The following URI1 variants were observed in gnomAD, a reference collection of about 807,000 sequenced individuals.
URI1 encodes the protein URI1 prefoldin like chaperone.
URI1 carries 39 observed loss-of-function variants against 60.2 expected under a neutral mutation model. The ratio of observed to expected loss-of-function variants is 0.65; its 90% confidence interval spans 0.50 to 0.85. The LOEUF (loss-of-function observed/expected upper bound fraction) is 0.85. URI1 is among the 40% of genes least tolerant of loss of function. The pLI, the probability that URI1 is intolerant of heterozygous loss-of-function variation, is 0.00. For missense variants in URI1, 691 were observed against 665.9 expected (o/e 1.04, Z -0.42); for synonymous variants, 251 against 236.8 (o/e 1.06, Z -0.55).
chr19:29,988,793 A>G (rs1311920117), intron 4 of URI1, among the ~76,000 whole-genome samples: 1 of 152,186 alleles, frequency 6.6e-6, no homozygotes, highest in Non-Finnish European at 1.5e-5. Context: ...TGCTGTTGGT[A>G]AATACCTACA....
intron 1 of URI1, chr19:29,956,489 T>A: frequency 6.3e-7 from 1 of 1,590,316 alleles, no homozygotes; most frequent in Non-Finnish European, 8.5e-7. Context: ...TCCTTGTTTT[T>A]AACTGTTGTG....
rs997752857 is a variant in URI1, at chr19:29,942,431, C to T, written c.-117C>T. On this transcript the variant is annotated 5_prime_UTR_variant, in exon 1 of 11. Transcript: ENST00000392271. ...GCGGCGGCGGGCGCGGCCTCCTGGG[C>T]GCGGGGCGCGCGGTGCCTGAGGGCG... 20 of 984,718 alleles carry T rather than the reference C, an allele frequency of 2.0e-5. No homozygotes were observed. The highest frequency in any genetic ancestry group is 1.1e-4 in the African/African-American group (6 of 56,810). The allele number at this position is 984,718 out of a possible 1,614,324, so 61.0% of individuals were successfully genotyped here.
intron 4 of URI1, among the ~76,000 whole-genome samples, chr19:29,993,166 G>GGAGC (rs1020246091): frequency 2.6e-4 from 39 of 152,268 alleles, no homozygotes; most frequent in Admixed American, 7.2e-4. Context: ...GACATGAAGG[G>GGAGC]ATAAGAGCAT....
intron 7 of URI1, 62 bp downstream of exon 7, chr19:30,007,700 C>CTTTTTCT: frequency 2.1e-5 from 30 of 1,399,972 alleles, no homozygotes; most frequent in Non-Finnish European, 2.8e-5. Context: ...CCTCATTAAT[C>CTTTTTCT]TTTTTCTTCA....
At chr19:30,010,122 C>T (rs2055999018) in intron 8 of URI1, among the ~76,000 whole-genome samples, 1 of 152,102 alleles carries the variant, frequency 6.6e-6, no homozygotes, top group African/African-American at 2.4e-5. Context: ...AAATTTAAGG[C>T]CTAGAAGACA....
intron 1 of URI1, among the ~76,000 whole-genome samples, chr19:29,966,137 G>GATTT (rs989712287): frequency 1.8e-4 from 27 of 152,148 alleles, no homozygotes; most frequent in Non-Finnish European, 2.8e-4. Flanking sequence ...TATGGTGGTT[G>GATTT]ATTTATTTAT....
rs192645807 is a variant in URI1, at chr19:29,974,764, G to A, written c.152+3537G>A. On this transcript the variant is annotated intron_variant, in intron 2 of 10. Coordinates refer to ENST00000392271, the MANE Select transcript of URI1 (RefSeq NM_003796.3). ...TTTCTCACCGCTCTTGTATTCCCCA[G>A]TGTTTATTTGTTCCCATCTTTATGT... Among the ~76,000 whole-genome samples the A allele has an allele frequency of 2.7e-3, 405 of 152,170 alleles. 3 individuals carry two copies. The highest frequency in any genetic ancestry group is 9.3e-3 in the African/African-American group (385 of 41,532).
chr19:30,007,733 T>C (rs994154974), intron 7 of URI1, 95 bp downstream of exon 7: 12 of 1,101,688 alleles, frequency 1.1e-5, no homozygotes, highest in Non-Finnish European at 1.5e-5. Context: ...TATGTGTTCA[T>C]TGAAGAAAAT....
intron 4 of URI1, among the ~76,000 whole-genome samples, chr19:29,998,226 C>A (rs551598858): frequency 6.6e-6 from 1 of 152,116 alleles, no homozygotes; most frequent in East Asian, 1.9e-4. Context: ...TTAAATTTTT[C>A]GAGACTTATT....
chr19:29,936,928 T>C (rs1480090871), intron 1 of URI1, among the ~76,000 whole-genome samples: 2 of 152,024 alleles, frequency 1.3e-5, no homozygotes, highest in Admixed American at 6.6e-5. Flanking sequence ...AATTTTTGTA[T>C]TTTAGTAGAG....
intron 2 of URI1, chr19:29,983,359 G>A (rs2055621913): frequency 6.6e-6 from 1 of 152,118 alleles, no homozygotes; most frequent in Non-Finnish European, 1.5e-5. Flanking sequence ...TATAGGTTAT[G>A]TAAAATAATA....
chr19:29,962,337 TA>T (rs1342883773), intron 1 of URI1, among the ~76,000 whole-genome samples: 4 of 151,712 alleles, frequency 2.6e-5, no homozygotes, highest in African/African-American at 9.6e-5. Context: ...TGTGATACAT[TA>T]TTTTTTACTA....
chr19:29,938,590 C>G (rs2054993751), upstream of URI1, among the ~76,000 whole-genome samples: 1 of 152,174 alleles, frequency 6.6e-6, no homozygotes, highest in South Asian at 2.1e-4. Context: ...TTGGTCAACT[C>G]TTGTCTCCCA....
chr19:29,946,675 G>A (rs1191556067), intron 1 of URI1, among the ~76,000 whole-genome samples: 2 of 152,148 alleles, frequency 1.3e-5, no homozygotes, highest in East Asian at 3.8e-4. Flanking sequence ...TTAACTTAAT[G>A]GAGGGTTTTC....
intron 1 of URI1, among the ~76,000 whole-genome samples, chr19:29,966,260 A>C (rs1332048250): frequency 4.0e-5 from 6 of 151,858 alleles, no homozygotes; most frequent in African/African-American, 1.5e-4. Context: ...AATTCAAGCT[A>C]CCTGAGTAGC....
intron 1 of URI1, among the ~76,000 whole-genome samples, chr19:29,930,908 A>T (rs1263358638): frequency 1.4e-5 from 2 of 145,020 alleles, no homozygotes; most frequent in African/African-American, 5.1e-5. Flanking sequence ...GGGTTTCACC[A>T]TGTTGGCCAG....
At chr19:29,986,724 T>A (rs2055675300) in intron 4 of URI1, among the ~76,000 whole-genome samples, 1 of 152,224 alleles carries the variant, frequency 6.6e-6, no homozygotes, top group South Asian at 2.1e-4. Context: ...ATTTTATACC[T>A]TATAATTTTT....
chr19:29,986,461 C>T, intron 4 of URI1, 44 bp downstream of exon 4: 1 of 1,579,510 alleles, frequency 6.3e-7, no homozygotes, highest in Non-Finnish European at 8.5e-7. Flanking sequence ...GTATATGTAT[C>T]CATTCACAGA....
intron 1 of URI1, 111 bp from the exon 2 acceptor site, chr19:29,971,082 G>A (rs779691576): frequency 5.0e-5 from 49 of 987,712 alleles, no homozygotes; most frequent in Non-Finnish European, 7.3e-5. Flanking sequence ...AATGTATACT[G>A]AGATGCTATT....
Sources: allele counts gnomAD v4.1 joint callset (sites outside exome capture counted in the v4.1 genomes callset), GRCh38; gene constraint gnomAD v4.1.1; transcripts MANE v1.5; gene names NCBI Gene and HGNC (gene_info 2026-07-23, HGNC 2026-07-21).